TAF2: variants seen among roughly 807,000 people sequenced by gnomAD.
TAF2 encodes the protein transcription initiation factor TFIID subunit 2.
Under a neutral mutation model 138.5 loss-of-function variants are expected in TAF2, and 61 were observed. The observed-to-expected ratio is 0.44, with a 90% confidence interval of 0.36 to 0.54. The LOEUF (loss-of-function observed/expected upper bound fraction) is 0.54, where lower values mean the gene tolerates loss of function less well. Among genes scored for constraint, TAF2 ranks in the 20% least tolerant of loss-of-function variants. The probability of loss-of-function intolerance (pLI) is 0.00; values close to 1 mark genes in which losing one functional copy is unlikely to be tolerated. For missense variants in TAF2, 1,090 were observed against 1,427.9 expected, an observed-to-expected ratio of 0.76 and a Z score of 3.81; for synonymous variants, 475 against 469.9, an observed-to-expected ratio of 1.01 and a Z score of -0.14.
chr8:119,740,533 T>C (rs543841777), intron 25 of TAF2, among the ~76,000 whole-genome samples: 1 of 141,814 alleles, frequency 7.1e-6, no homozygotes, highest in East Asian at 2.0e-4. Flanking sequence ...GGTGTGGTGA[T>C]GCATGCCTGT....
intron 2 of TAF2, among the ~76,000 whole-genome samples, chr8:119,831,196 G>A (rs527370353): frequency 8.5e-5 from 13 of 152,154 alleles, no homozygotes; most frequent in African/African-American, 2.9e-4. Flanking sequence ...AAATTGTGTC[G>A]GGAGGCAGGG....
At chr8:119,820,713 C>G (rs191513675) in intron 2 of TAF2, among the ~76,000 whole-genome samples, 1 of 152,202 alleles carries the variant, frequency 6.6e-6, no homozygotes, top group African/African-American at 2.4e-5. Flanking sequence ...TTAGTCCAAC[C>G]GCTCAAGAAA....
chr8:119,737,821 T>A (rs1366233874), intron 25 of TAF2, among the ~76,000 whole-genome samples: 3 of 152,012 alleles, frequency 2.0e-5, no homozygotes, highest in Admixed American at 6.6e-5. Context: ...AGCTTTTTTT[T>A]AAAGGAGAAA....
chr8:119,776,458 G>A (rs1204711039), intron 18 of TAF2, among the ~76,000 whole-genome samples: 4 of 150,850 alleles, frequency 2.7e-5, no homozygotes, highest in South Asian at 2.1e-4. Context: ...CGAGACGGGC[G>A]GATCACAAGG....
chr8:119,779,520 C>T (rs901962785), intron 17 of TAF2, among the ~76,000 whole-genome samples: 2 of 152,100 alleles, frequency 1.3e-5, no homozygotes, highest in African/African-American at 4.8e-5. Flanking sequence ...TGCTTCTATA[C>T]CATAAATTCG....
intron 20 of TAF2, among the ~76,000 whole-genome samples, chr8:119,759,584 A>G: frequency 6.6e-6 from 1 of 152,220 alleles, no homozygotes; most frequent in African/African-American, 2.4e-5. Context: ...TATTTTTGAA[A>G]TATGCATTAC....
At chr8:119,808,678 G>A (rs183903785) in intron 3 of TAF2, among the ~76,000 whole-genome samples, 65 of 152,246 alleles carry the variant, frequency 4.3e-4, no homozygotes, top group African/African-American at 1.5e-3. Flanking sequence ...TTAATCCATA[G>A]GCTGCAGAAT....
At chr8:119,796,624 A>G (rs1023513881) in intron 8 of TAF2, among the ~76,000 whole-genome samples, 2 of 152,094 alleles carry the variant, frequency 1.3e-5, no homozygotes, top group African/African-American at 4.8e-5. Flanking sequence ...TTATTTATAG[A>G]ATTCATTCAG....
At position 119,807,687 on chromosome 8, in the gene TAF2, G is replaced by A. The variant is rs150664723; in HGVS notation, c.300-1286C>T. Among the ~76,000 whole-genome samples, 1,123 of 152,338 alleles carry A rather than the reference G, an allele frequency of 7.4e-3. 5 individuals carry two copies. Among genetic ancestry groups the A allele is most frequent in the South Asian group, 0.014 (68 of 4,826 alleles). Reference sequence around the variant, plus strand: ...TGCCTGTAATCCCAGCACTTTGGGAGTCCAAGGTGGTGGATCACCTGAGAC... The same window carrying A: ...TGCCTGTAATCCCAGCACTTTGGGAATCCAAGGTGGTGGATCACCTGAGAC... On this transcript the variant is annotated intron_variant, in intron 3 of 25. Coordinates refer to ENST00000378164, the MANE Select transcript of TAF2 (RefSeq NM_003184.4).
chr8:119,793,410 C>A lies in TAF2; in HGVS notation c.1233G>T (p.Gly411=), dbSNP rs749521499. The A allele has an allele frequency of 6.8e-6, 11 of 1,612,878 alleles. No individual in the cohort carries two copies. In the Admixed American group the frequency reaches 1.7e-4, roughly 24 times the overall value. ...CACCAAATATGGGATGTAGTAAAACCCCACCAGTTTTTAGTTCATATGCCA... is the reference window on the plus strand; with the variant it reads ...CACCAAATATGGGATGTAGTAAAACACCACCAGTTTTTAGTTCATATGCCA... ...KIVAYELKTG[G]VLLHPIFGGG... Residue 411 remains glycine (G), a synonymous_variant, in exon 10 of 26, where the codon GGG becomes GGT. Transcript: ENST00000378164.
intron 3 of TAF2, among the ~76,000 whole-genome samples, chr8:119,814,971 G>A (rs1026865957): frequency 8.6e-5 from 13 of 151,608 alleles, no homozygotes; most frequent in Non-Finnish European, 2.9e-5. Flanking sequence ...GCCAGGTGCA[G>A]TGGCTCACGC....
At chr8:119,778,277 A>T (rs952390841) in intron 17 of TAF2, 148 bp from the exon 18 acceptor site, 3 of 571,200 alleles carry the variant, frequency 5.3e-6, no homozygotes, top group Non-Finnish European at 9.4e-6. Context: ...AACCCCTCCC[A>T]CTGACAACAT....
intron 18 of TAF2, among the ~76,000 whole-genome samples, chr8:119,770,498 G>GCTTC (rs1223438420): frequency 1.3e-5 from 2 of 152,140 alleles, no homozygotes; most frequent in Admixed American, 1.3e-4. Context: ...GCCAAACCAA[G>GCTTC]CTTCATAAAT....
rs746100564 is a variant in TAF2 at position 119,791,457 on chromosome 8, G to A, written c.1280C>T (p.Pro427Leu). Residue 427 changes from proline to leucine, a missense_variant and splice_region_variant, in exon 11 of 26, where the codon CCG becomes CTG. By Grantham distance (98) the Pro-to-Leu change is moderately conservative (BLOSUM62 -3). Around this residue, in one of 3 missense-constraint regions of TAF2, gnomAD observed 504 missense variants for 680.9 expected, o/e 0.74. Transcript: ENST00000378164. ...IFGGGKEKDN[P>L]ASHLHFSIKH... ...TATTGAAAAGTGTAGATGGGAAGCCGGACTAAAAAAAATAAACACATTTAC... is the reference window on the plus strand; with the variant it reads ...TATTGAAAAGTGTAGATGGGAAGCCAGACTAAAAAAAATAAACACATTTAC... 3.8e-5 allele frequency: 61 copies of A among 1,611,430 alleles called. No homozygotes were observed. The highest frequency in any genetic ancestry group is 8.4e-5 in the Admixed American group (5 of 59,820).
At chr8:119,785,307 C>G in intron 14 of TAF2, 41 bp from the exon 15 acceptor site, 1 of 1,436,556 alleles carries the variant, frequency 7.0e-7, no homozygotes, top group South Asian at 1.1e-5. Flanking sequence ...TGTGAGATTT[C>G]TAATTCTGAA....
At chr8:119,813,406 G>A (rs1825232792) in intron 3 of TAF2, among the ~76,000 whole-genome samples, 2 of 152,172 alleles carry the variant, frequency 1.3e-5, no homozygotes, top group South Asian at 4.1e-4. Flanking sequence ...TGGATATTTG[G>A]TTTGTGATTT....
intron 2 of TAF2, among the ~76,000 whole-genome samples, chr8:119,829,519 G>C (rs997699105): frequency 4.6e-5 from 7 of 151,192 alleles, no homozygotes; most frequent in African/African-American, 1.5e-4. Flanking sequence ...CAATTAACTT[G>C]TGTGTGTGTG....
At chr8:119,755,854 G>A in intron 22 of TAF2, 152 bp downstream of exon 22, 1 of 634,298 alleles carries the variant, frequency 1.6e-6, no homozygotes, top group Middle Eastern at 4.2e-4. Context: ...TGTTATCACA[G>A]CCACCACTGT....
chr8:119,817,153 T>C (rs1271314129), intron 3 of TAF2, among the ~76,000 whole-genome samples: 1 of 152,220 alleles, frequency 6.6e-6, no homozygotes, highest in Non-Finnish European at 1.5e-5. Context: ...ATTCCATCTT[T>C]CCCAATTTCC....
Sources: gnomAD v4.1 joint callset for allele counts (sites outside exome capture counted in the v4.1 genomes callset) on GRCh38, gnomAD v4.1.1 for gene constraint, gnomAD v4.1.1 regional missense constraint, MANE v1.5 for transcripts, NCBI Gene and HGNC (gene_info 2026-07-23, HGNC 2026-07-21) for gene names.